ABCA13: variants seen among roughly 807,000 people sequenced by gnomAD.
ABCA13 encodes ATP-binding cassette sub-family A member 13.
In ABCA13, 476 loss-of-function variants were observed where a neutral mutation model predicts 478.7. The observed-to-expected ratio is 0.99, with a 90% CI of 0.92 to 1.07. The LOEUF (loss-of-function observed/expected upper bound fraction) is 1.07. ABCA13 is among the 50% of genes least tolerant of loss of function. The probability of loss-of-function intolerance (pLI) is 0.00; values close to 1 mark genes in which losing one functional copy is unlikely to be tolerated. For synonymous variants in ABCA13, 2,252 were observed against 2,158.9 expected, an observed-to-expected ratio of 1.04 and a Z score of -1.20; for missense variants, 6,060 against 5,910.6, an observed-to-expected ratio of 1.03 and a Z score of -0.83.
intron 38 of ABCA13, among the ~76,000 whole-genome samples, chr7:48,395,039 G>A (rs1816646170): frequency 6.6e-6 from 1 of 152,226 alleles, no homozygotes; most frequent in South Asian, 2.1e-4. Context: ...GCTGCAATAT[G>A]TTACAGCATG....
At chr7:48,634,303 C>T (rs1794448261) in intron 59 of ABCA13, among the ~76,000 whole-genome samples, 1 of 152,090 alleles carries the variant, frequency 6.6e-6, no homozygotes, top group Non-Finnish European at 1.5e-5. Context: ...ATTGTGGTAA[C>T]ACTGGCCTCA....
chr7:48,387,925 T>C lies in ABCA13; in HGVS notation c.11439T>C (p.Ser3813=), dbSNP rs1268494773. Residue 3813 remains serine (S), a synonymous_variant, in exon 36 of 62, where the codon AGT becomes AGC. Coordinates refer to ENST00000435803, the MANE Select transcript of ABCA13 (RefSeq NM_152701.5). ...VEKRQYFLSS[S]LFFFNENFDN... ...AAAGGCAATACTTTCTAAGTTCTAG[T>C]CTGTTCTTCTTCAATGAGAACTTTG... 1 of 1,613,054 alleles carries C rather than the reference T, an allele frequency of 6.2e-7. No individual in the cohort carries two copies.
At position 48,416,744 on chromosome 7, in the gene ABCA13, CT is replaced by C. The variant is rs1820058857; in HGVS notation, c.12459+4165del. Among the ~76,000 whole-genome samples, 3 of 151,972 alleles carry C rather than the reference CT, an allele frequency of 2.0e-5. No homozygotes were observed. The South Asian group carries it at 6.2e-4, about 32-fold the overall frequency. On this transcript the variant is annotated intron_variant, in intron 41 of 61. Coordinates refer to ENST00000435803, the MANE Select transcript of ABCA13 (RefSeq NM_152701.5). The stretch of plus-strand genomic sequence containing the variant: ...GTGTCTTGGGGTTTAGAGGCTGCAC[CT>C]TTTGCTTCCTCACCCTCCAGGTCCA...
intron 29 of ABCA13, among the ~76,000 whole-genome samples, chr7:48,348,464 C>T (rs113567529): frequency 1.1e-3 from 169 of 152,302 alleles, no homozygotes; most frequent in African/African-American, 3.7e-3. Flanking sequence ...CTGCTATTGA[C>T]GCCATTTGAG....
At chr7:48,209,004 AT>A (rs989864064) in intron 3 of ABCA13, among the ~76,000 whole-genome samples, 5 of 152,056 alleles carry the variant, frequency 3.3e-5, no homozygotes, top group African/African-American at 9.7e-5. Context: ...GAGAGTTTGT[AT>A]CATAAAGGAA....
chr7:48,370,005 A>G (rs1812385307), intron 32 of ABCA13, among the ~76,000 whole-genome samples: 2 of 151,976 alleles, frequency 1.3e-5, no homozygotes, highest in Admixed American at 1.3e-4. Context: ...CACAATATTG[A>G]TTCTACCCAT....
intron 56 of ABCA13, among the ~76,000 whole-genome samples, chr7:48,582,129 C>G (rs1329866879): frequency 6.6e-6 from 1 of 152,124 alleles, no homozygotes; most frequent in African/African-American, 2.4e-5. Context: ...CACAGGAAAA[C>G]TGAGACACCA....
chr7:48,182,192 T>C (rs1345301773), intron 1 of ABCA13, among the ~76,000 whole-genome samples: 2 of 152,180 alleles, frequency 1.3e-5, no homozygotes, highest in Non-Finnish European at 2.9e-5. Flanking sequence ...TCCATAAATA[T>C]GTATATTTAA....
chr7:48,612,086 C>T (rs1442818566), intron 58 of ABCA13: 1 of 152,168 alleles, frequency 6.6e-6, no homozygotes, highest in African/African-American at 2.4e-5. Flanking sequence ...ATCAGGCCAA[C>T]CAAGGCCTTG....
Position 48,229,871 on chromosome 7 carries a change from AC to A in ABCA13, c.680del (p.Thr227IlefsTer10). 6.2e-7 allele frequency: 1 copy of A among 1,613,950 alleles called. No individual in the cohort carries two copies. Among genetic ancestry groups the A allele is most frequent in the Non-Finnish European group, 8.5e-7 (1 of 1,179,878 alleles). The part of the protein sequence containing the change: ...EDLDWLPLNQ[T>X]FSQVSELVLN... ...TTTAGATTGGCTTCCACTCAACCAAACTTTTTCCCAGGTTTCTGAACTTGTA... is the reference window on the plus strand; with the variant it reads ...TTTAGATTGGCTTCCACTCAACCAAATTTTTCCCAGGTTTCTGAACTTGTA... On this transcript the variant is annotated frameshift_variant, in exon 7 of 62. Transcript: ENST00000435803. LOFTEE classifies it high-confidence loss of function.
intron 47 of ABCA13, among the ~76,000 whole-genome samples, chr7:48,488,217 T>C (rs1033212404): frequency 6.6e-6 from 1 of 152,078 alleles, no homozygotes; most frequent in Non-Finnish European, 1.5e-5. Flanking sequence ...GGGAACATTG[T>C]CTTGTGTAGT....
intron 55 of ABCA13, among the ~76,000 whole-genome samples, chr7:48,564,373 A>G (rs117314646): frequency 1.4e-3 from 217 of 152,196 alleles, no homozygotes; most frequent in Non-Finnish European, 2.4e-3. Flanking sequence ...GCTACTGGTT[A>G]TCAACAGCTT....
intron 2 of ABCA13, among the ~76,000 whole-genome samples, chr7:48,195,402 G>A (rs1797793705): frequency 6.6e-6 from 1 of 152,172 alleles, no homozygotes; most frequent in African/African-American, 2.4e-5. Context: ...GAATAACCAG[G>A]CAAGAGATGG....
chr7:48,475,966 C>A (rs1174314226), intron 45 of ABCA13, among the ~76,000 whole-genome samples: 1 of 152,184 alleles, frequency 6.6e-6, no homozygotes, highest in Non-Finnish European at 1.5e-5. Flanking sequence ...AACACTATGA[C>A]CCAAAACATG....
intron 32 of ABCA13, among the ~76,000 whole-genome samples, chr7:48,369,317 G>C (rs117426124): frequency 0.037 from 5,611 of 152,108 alleles, 124 homozygotes; most frequent in Middle Eastern, 0.058. Flanking sequence ...AGATTGTGAA[G>C]ATTTTCTCCT....
At chr7:48,302,119 C>T (rs916871425) in intron 23 of ABCA13, among the ~76,000 whole-genome samples, 7 of 152,266 alleles carry the variant, frequency 4.6e-5, no homozygotes, top group African/African-American at 1.7e-4. Context: ...ATCAAACCCA[C>T]GTCTTTGAAC....
intron 42 of ABCA13, among the ~76,000 whole-genome samples, chr7:48,449,452 C>T (rs1824721686): frequency 6.6e-6 from 1 of 151,996 alleles, no homozygotes; most frequent in Admixed American, 6.6e-5. Flanking sequence ...TTATATATAC[C>T]AGAACAAAGA....
chr7:48,633,208 T>C (rs1270714217), intron 59 of ABCA13, among the ~76,000 whole-genome samples: 1 of 152,074 alleles, frequency 6.6e-6, no homozygotes, highest in Non-Finnish European at 1.5e-5. Flanking sequence ...GATATATATC[T>C]CAACTCAATA....
intron 47 of ABCA13, among the ~76,000 whole-genome samples, chr7:48,488,981 T>C (rs1039461265): frequency 7.9e-5 from 12 of 152,210 alleles, no homozygotes; most frequent in Non-Finnish European, 1.6e-4. Flanking sequence ...AAAATAATTA[T>C]AGAGCAACAT....
Sources: allele counts gnomAD v4.1 joint callset (sites outside exome capture counted in the v4.1 genomes callset), GRCh38; gene constraint gnomAD v4.1.1; transcripts MANE v1.5; gene names NCBI Gene and HGNC (gene_info 2026-07-23, HGNC 2026-07-21).